The following CCZ1 variants were observed in gnomAD, a reference collection of about 807,000 sequenced individuals.
CCZ1 encodes the protein vacuolar fusion protein CCZ1 homolog.
A neutral mutation model predicts 57.8 loss-of-function variants in CCZ1; 19 were observed. The ratio of observed to expected loss-of-function variants is 0.33; its 90% CI spans 0.23 to 0.48. The LOEUF (loss-of-function observed/expected upper bound fraction) is 0.48. Ranked by LOEUF, CCZ1 falls within the 20% of genes least tolerant of loss-of-function variation. The pLI, the probability that CCZ1 is intolerant of heterozygous loss-of-function variation, is 0.99. For missense variants in CCZ1, 200 were observed against 492.0 expected, an observed-to-expected ratio of 0.41 and a Z score of 5.61; for synonymous variants, 81 against 167.0, an observed-to-expected ratio of 0.49 and a Z score of 3.97.
rs537755615 is a variant in CCZ1, at chr7:5,905,987, C to T, written c.698+718C>T. ...CAAACTCCTGGCCTCAAGCGATCCA[C>T]CCGCCTCAGCCTCCCAAAGTGCTGG... On this transcript the variant is annotated intron_variant, in intron 7 of 14. Transcript: ENST00000325974. Among the ~76,000 whole-genome samples the T allele has an allele frequency of 1.9e-3, 268 of 143,294 alleles. 8 individuals are homozygous for T. Among genetic ancestry groups the T allele is most frequent in the Non-Finnish European group, 3.0e-3 (197 of 66,706 alleles). 94.0% of individuals were successfully genotyped at this position (143,294 alleles called of 152,430 possible).
intron 14 of CCZ1, 103 bp from the exon 15 acceptor site, chr7:5,925,529 C>CA (rs1779348299): frequency 1.4e-6 from 2 of 1,464,480 alleles, no homozygotes; most frequent in African/African-American, 2.8e-5. Flanking sequence ...AAAATCAATG[C>CA]AAATCTCTCT....
intron 7 of CCZ1, among the ~76,000 whole-genome samples, chr7:5,906,770 G>C (rs1781837137): frequency 6.6e-6 from 1 of 150,596 alleles, no homozygotes; most frequent in African/African-American, 2.5e-5. Flanking sequence ...ACAAGTTACT[G>C]TAAAGAAATT....
chr7:5,904,587 C>CTTTGGG lies in CCZ1; in HGVS notation c.523-506_523-501dup, dbSNP rs549288257. Among the ~76,000 whole-genome samples the CTTTGGG allele has an allele frequency of 9.4e-4, 137 of 145,892 alleles. 30 individuals carry two copies. The East Asian group carries it at 0.024, about 26-fold the overall frequency. On this transcript the variant is annotated intron_variant, in intron 6 of 14. Coordinates refer to ENST00000325974, the MANE Select transcript of CCZ1 (RefSeq NM_015622.6). ...GTGGCTCACACCTCTAATCCCAGCA[C>CTTTGGG]TTTGGGAGGCCGAGGCAGGCAGATC...
In CCZ1 at chr7:5,922,987, G is replaced by A. The variant is rs565257854; in HGVS notation, c.1107-400G>A. Among the ~76,000 whole-genome samples, 32 of 147,714 alleles carry A rather than the reference G, an allele frequency of 2.2e-4. 1 individual carries two copies. Among genetic ancestry groups the A allele is most frequent in the African/African-American group, 7.5e-4 (29 of 38,438 alleles). ...AAGCAGACAGACAACACATGAACAT[G>A]TGGCAATGGCGAGGTTCCCGTGAAA... On this transcript the variant is annotated intron_variant, in intron 12 of 14. Coordinates refer to ENST00000325974, the MANE Select transcript of CCZ1 (RefSeq NM_015622.6).
chr7:5,905,805 A>AAG lies in CCZ1; in HGVS notation c.698+537_698+538insGA, dbSNP rs1781800329. 2.2e-5 allele frequency among the ~76,000 whole-genome samples: 3 copies of AAG among 139,022 alleles called. No homozygotes were observed. In the South Asian group the frequency reaches 7.6e-4, roughly 35 times the overall value. The allele number at this position is 139,022 out of a possible 152,430, so 91.2% of individuals were successfully genotyped here. A position where few individuals can be genotyped will look rare whatever the true frequency, so the allele number is the denominator to read the frequency against. On this transcript the variant is annotated intron_variant, in intron 7 of 14. Transcript: ENST00000325974. ...CCAAAAAAAAAAAAAAAAAAAAAAA[A>AAG]AAGAGAAAATGTTCCTATCAAGTAA...
Position 5,910,097 on chromosome 7 carries a change from C to G in CCZ1, c.761C>G (p.Pro254Arg). The G allele has an allele frequency of 6.4e-7, 1 of 1,562,272 alleles. No homozygotes were observed. Among genetic ancestry groups the G allele is most frequent in the Non-Finnish European group, 8.8e-7 (1 of 1,140,204 alleles). The change falls in exon 8 of 15, where the codon CCA (proline) becomes CGA (arginine). Residue 254 changes from proline to arginine, a missense_variant. Physicochemically the swap from Pro to Arg is moderately radical, Grantham distance 103. Coordinates refer to ENST00000325974, the MANE Select transcript of CCZ1 (RefSeq NM_015622.6). ...AAATACCTTACCACCTCCCTTTTTC[C>G]AAGGCACATCGAACCTGAGGTATGA... ...LYKYLTTSLF[P>R]RHIEPELAGR...
chr7:5,906,740 G>C lies in CCZ1; in HGVS notation c.698+1471G>C, dbSNP rs1208231192. On this transcript the variant is annotated intron_variant, in intron 7 of 14. Transcript: ENST00000325974. ...TTACCTTCCCTGCCAAAATCTTGTA[G>C]CTCCATTTTAAGAAGAGAAACAAGT... is the stretch of plus-strand genomic sequence containing the variant. Among the ~76,000 whole-genome samples the C allele has an allele frequency of 3.3e-5, 5 of 150,288 alleles. No individual in the cohort carries two copies. The East Asian group carries it at 1.0e-3, about 31-fold the overall frequency.
rs1462056300 is a variant in CCZ1, at chr7:5,926,328, A to ACGT, written c.*642_*644dup. On this transcript the variant is annotated 3_prime_UTR_variant, in exon 15 of 15. Coordinates refer to ENST00000325974, the MANE Select transcript of CCZ1 (RefSeq NM_015622.6). ...TGTAATGCTCAGGAAATCTTACAGC[A>ACGT]CGTGCCATCCTAAGCCTGTGTGTGT... 9.2e-6 allele frequency: 10 copies of ACGT among 1,088,980 alleles called. No individual in the cohort carries two copies. The highest frequency in any genetic ancestry group is 2.2e-5 in the Admixed American group (1 of 46,296). The allele number at this position is 1,088,980 out of a possible 1,614,324, so 67.5% of individuals were successfully genotyped here.
Position 5,916,675 on chromosome 7 carries a change from C to T in CCZ1, c.955-2192C>T, listed in dbSNP as rs1051663146. The stretch of plus-strand genomic sequence containing the variant: ...GACATCCAGGGAAGCTCACCTGAGC[C>T]TCGAGATCCAGAGATTTGATTGGGG... On this transcript the variant is annotated intron_variant, in intron 10 of 14. Coordinates refer to ENST00000325974, the MANE Select transcript of CCZ1 (RefSeq NM_015622.6). 2.7e-5 allele frequency among the ~76,000 whole-genome samples: 4 copies of T among 148,132 alleles called. 1 individual carries two copies. The highest frequency in any genetic ancestry group is 1.1e-4 in the African/African-American group (4 of 38,036).
chr7:5,904,952 C>T, intron 6 of CCZ1, 142 bp from the exon 7 acceptor site: 2 of 1,191,488 alleles, frequency 1.7e-6, no homozygotes, highest in Non-Finnish European at 2.3e-6. Context: ...CATGTCTTCA[C>T]CACGGCCTCA....
Position 5,924,514 on chromosome 7 carries a change from G to A in CCZ1, c.1393+552G>A, listed in dbSNP as rs1328073262. 2.4e-4 allele frequency among the ~76,000 whole-genome samples: 13 copies of A among 53,158 alleles called. 4 individuals carry two copies. Among genetic ancestry groups the A allele is most frequent in the Non-Finnish European group, 4.1e-4 (11 of 26,544 alleles). 34.9% of individuals were successfully genotyped at this position (53,158 alleles called of 152,430 possible). A position where few individuals can be genotyped will look rare whatever the true frequency, so the allele number is the denominator to read the frequency against. ...CTCCCAAAGAGCTGGGATTACAGGC[G>A]TGAGCCACCTTGCCCAGCCCAAAAT... On this transcript the variant is annotated intron_variant, in intron 14 of 14. Transcript: ENST00000325974.
chr7:5,908,192 G>A (rs1781880151), intron 7 of CCZ1, among the ~76,000 whole-genome samples: 1 of 143,562 alleles, frequency 7.0e-6, no homozygotes, highest in Non-Finnish European at 1.5e-5. Flanking sequence ...TAAGCCAGGC[G>A]TGGTGCACAT....
intron 12 of CCZ1, among the ~76,000 whole-genome samples, chr7:5,920,349 T>C (rs1258641501): frequency 8.7e-6 from 1 of 114,710 alleles, no homozygotes; most frequent in Non-Finnish European, 1.9e-5. Context: ...GGCTGGGATG[T>C]GGGGCACTGG....
intron 7 of CCZ1, among the ~76,000 whole-genome samples, chr7:5,909,087 C>T (rs1244768100): frequency 1.5e-5 from 2 of 136,362 alleles, no homozygotes; most frequent in African/African-American, 5.5e-5. Context: ...ATTCAACCAG[C>T]GAGTCCAATC....
intron 1 of CCZ1, among the ~76,000 whole-genome samples, chr7:5,899,376 TGTGTGTG>T (rs1781630740): frequency 1.3e-4 from 13 of 102,664 alleles, no homozygotes; most frequent in South Asian, 2.9e-4. Context: ...TGTGTGTGTG[TGTGTGTG>T]GTTTTTCTGA....
chr7:5,920,745 T>G (rs1211457543), intron 12 of CCZ1, among the ~76,000 whole-genome samples: 1 of 127,926 alleles, frequency 7.8e-6, no homozygotes, highest in Non-Finnish European at 1.7e-5. Context: ...GTGCTGGGAT[T>G]ACAGGTGTGA....
chr7:5,906,266 T>A (rs1244310314), intron 7 of CCZ1, among the ~76,000 whole-genome samples: 5 of 147,456 alleles, frequency 3.4e-5, no homozygotes, highest in African/African-American at 1.3e-4. Flanking sequence ...GGCTTGCAGC[T>A]GTTCTGGGAC....
chr7:5,913,032 C>G, intron 10 of CCZ1, 78 bp downstream of exon 10: 1 of 1,517,910 alleles, frequency 6.6e-7, no homozygotes, highest in Non-Finnish European at 8.9e-7. Context: ...AGTGCATGTG[C>G]AAACCTCTTA....
chr7:5,910,298 T>C lies in CCZ1; in HGVS notation c.780+182T>C, dbSNP rs1781939943. On this transcript the variant is annotated intron_variant, in intron 8 of 14. Coordinates refer to ENST00000325974, the MANE Select transcript of CCZ1 (RefSeq NM_015622.6). The stretch of plus-strand genomic sequence containing the variant: ...AACCACATGCAGCTCTCCTCCAGTA[T>C]GTGACATTCAGATGTGATACAGAAA... 6.6e-5 allele frequency: 34 copies of C among 513,386 alleles called. No homozygotes were observed. The South Asian group carries it at 1.0e-3, about 16-fold the overall frequency. 31.8% of individuals were successfully genotyped at this position (513,386 alleles called of 1,614,324 possible). A position where few individuals can be genotyped will look rare whatever the true frequency, so the allele number is the denominator to read the frequency against.
Sources: gnomAD v4.1 joint callset for allele counts (sites outside exome capture counted in the v4.1 genomes callset) on GRCh38, gnomAD v4.1.1 for gene constraint, MANE v1.5 for transcripts, NCBI Gene and HGNC (gene_info 2026-07-23, HGNC 2026-07-21) for gene names.